C7: variants seen among roughly 807,000 people sequenced by gnomAD.
C7 encodes the protein complement component C7.
A neutral mutation model predicts 104.8 loss-of-function variants in C7; 83 were observed. The observed-to-expected ratio is 0.79, with a 90% CI of 0.66 to 0.95. The LOEUF is 0.95. C7 is among the 40% of genes least tolerant of loss of function. C7 has a pLI of 0.00. For synonymous variants in C7, 415 were observed against 360.6 expected, an observed-to-expected ratio of 1.15 and a Z score of -1.71; for missense variants, 1,070 against 1,011.2, an observed-to-expected ratio of 1.06 and a Z score of -0.79.
At chr5:40,961,320 T>TGTAA (rs1740415127) in intron 12 of C7, among the ~76,000 whole-genome samples, 1 of 152,168 alleles carries the variant, frequency 6.6e-6, no homozygotes, top group African/African-American at 2.4e-5. Flanking sequence ...ACATAGTAAA[T>TGTAA]GCTTAGTAAA....
chr5:40,929,104 T>C (rs1433154605), intron 2 of C7, among the ~76,000 whole-genome samples: 2 of 152,182 alleles, frequency 1.3e-5, no homozygotes, highest in Non-Finnish European at 2.9e-5. Context: ...GTCAGATTGA[T>C]GAGACAGAGC....
At chr5:40,953,089 C>T (rs2329431) in intron 9 of C7, among the ~76,000 whole-genome samples, 13,440 of 151,896 alleles carry the variant, frequency 0.088, 721 homozygotes, top group South Asian at 0.2. Flanking sequence ...AGGGATGGGA[C>T]GTGATTCACT....
chr5:40,914,556 A>G (rs1739280513), intron 1 of C7, among the ~76,000 whole-genome samples: 1 of 152,158 alleles, frequency 6.6e-6, no homozygotes, highest in Non-Finnish European at 1.5e-5. Flanking sequence ...TGTCCAGAAG[A>G]GTTTTCCCTA....
chr5:40,949,318 C>T (rs528204989), intron 8 of C7, among the ~76,000 whole-genome samples: 12 of 148,206 alleles, frequency 8.1e-5, no homozygotes, highest in African/African-American at 3.0e-4. Context: ...TATATTTGCA[C>T]ATTTTAGTAT....
At position 40,981,656 on chromosome 5, in the gene C7, G is replaced by T. The variant is rs927766138; in HGVS notation, c.*83G>T. On this transcript the variant is annotated 3_prime_UTR_variant, in exon 18 of 18. Coordinates refer to ENST00000313164, the MANE Select transcript of C7 (RefSeq NM_000587.4). The stretch of plus-strand genomic sequence containing the variant: ...AAAACATCTGCACAACTGGGCACTG[G>T]ACAGCTTTTCCTTCTTCTCCAGTGT... The T allele has an allele frequency of 5.0e-6, 6 of 1,199,030 alleles. No homozygotes were observed. The highest frequency in any genetic ancestry group is 6.9e-6 in the Non-Finnish European group (6 of 869,974). The allele number at this position is 1,199,030 out of a possible 1,614,324, so 74.3% of individuals were successfully genotyped here. A position where few individuals can be genotyped will look rare whatever the true frequency, so the allele number is the denominator to read the frequency against.
In C7 at chr5:40,982,538, T is replaced by A. The variant is rs1740973417; in HGVS notation, c.*965T>A. 6.6e-6 allele frequency: 1 copy of A among 152,372 alleles called. No individual in the cohort carries two copies. The highest frequency in any genetic ancestry group is 2.1e-4 in the South Asian group (1 of 4,836). 9.4% of individuals were successfully genotyped at this position (152,372 alleles called of 1,614,324 possible). On this transcript the variant is annotated 3_prime_UTR_variant, in exon 18 of 18. Coordinates refer to ENST00000313164, the MANE Select transcript of C7 (RefSeq NM_000587.4). ...CAGGGGTGTCTTGTCTGAGAACAAA[T>A]ACAATTCAGTCTTCTCTTTGGGGTT...
At chr5:40,955,827 C>T (rs758028598) in intron 10 of C7, among the ~76,000 whole-genome samples, 18 of 152,036 alleles carry the variant, frequency 1.2e-4, no homozygotes, top group Non-Finnish European at 2.1e-4. Context: ...GATCTAAGTT[C>T]GATTATGTCT....
chr5:40,955,590 CAT>C, intron 10 of C7, 37 bp downstream of exon 10: 1 of 1,576,160 alleles, frequency 6.3e-7, no homozygotes, highest in East Asian at 2.3e-5. Flanking sequence ...AGGAAGCAGT[CAT>C]GTTTATTTGC....
intron 14 of C7, among the ~76,000 whole-genome samples, chr5:40,968,805 T>A (rs1329906426): frequency 6.6e-6 from 1 of 150,724 alleles, no homozygotes; most frequent in East Asian, 1.9e-4. Context: ...AGAGACGGGG[T>A]TTCACCATGT....
intron 15 of C7, among the ~76,000 whole-genome samples, chr5:40,975,751 A>C (rs1014236585): frequency 2.0e-5 from 3 of 152,212 alleles, no homozygotes; most frequent in African/African-American, 7.2e-5. Flanking sequence ...TTACAGGTTT[A>C]TGAATGCTCA....
Position 40,984,565 on chromosome 5 carries a change from G to A in C7, c.*2992G>A, listed in dbSNP as rs371788968. ...CATTTATGTGCCCGGCTTATTATGT[G>A]TCCACTTATGTGTCCAATTAGTAAT... is the stretch of plus-strand genomic sequence containing the variant. On this transcript the variant is annotated 3_prime_UTR_variant, in exon 18 of 18. Transcript: ENST00000313164. 2.3e-4 allele frequency among the ~76,000 whole-genome samples: 35 copies of A among 152,298 alleles called. No individual in the cohort carries two copies. The highest frequency in any genetic ancestry group is 7.9e-4 in the African/African-American group (33 of 41,562).
chr5:40,936,549 T>C lies in C7; in HGVS notation c.428+64T>C, dbSNP rs1739821993. ...TGTAGTTTTAAATTTTGTTTTATTT[T>C]ATAGTTTGGTAAGTCTACGAACAAG... On this transcript the variant is annotated intron_variant, in intron 5 of 17. Transcript: ENST00000313164. 3 of 1,483,218 alleles carry C rather than the reference T, an allele frequency of 2.0e-6. No individual in the cohort carries two copies. The South Asian group carries it at 3.7e-5, about 19-fold the overall frequency. 91.9% of individuals were successfully genotyped at this position (1,483,218 alleles called of 1,614,324 possible).
intron 15 of C7, among the ~76,000 whole-genome samples, chr5:40,974,072 C>T (rs1051196402): frequency 3.3e-5 from 5 of 149,498 alleles, no homozygotes; most frequent in African/African-American, 1.2e-4. Context: ...GCATACATAA[C>T]ATAACATTTA....
intron 3 of C7, among the ~76,000 whole-genome samples, chr5:40,931,635 A>G (rs920900929): frequency 6.6e-6 from 1 of 152,218 alleles, no homozygotes; most frequent in African/African-American, 2.4e-5. Flanking sequence ...CACAAATACA[A>G]TGTTGGACTT....
chr5:40,950,085 C>A, intron 9 of C7, 71 bp downstream of exon 9: 1 of 855,256 alleles, frequency 1.2e-6, no homozygotes, highest in Non-Finnish European at 1.8e-6. Flanking sequence ...TTCAAGGGTA[C>A]GCGTGAAGTT....
chr5:40,937,894 A>G (rs1706654240), intron 6 of C7, among the ~76,000 whole-genome samples: 3 of 152,156 alleles, frequency 2.0e-5, no homozygotes, highest in African/African-American at 7.2e-5. Flanking sequence ...TGTGTCATTC[A>G]AGCTGACATA....
intron 5 of C7, 190 bp from the exon 6 acceptor site, chr5:40,937,362 G>GA: frequency 2.6e-6 from 1 of 383,592 alleles, no homozygotes; most frequent in Admixed American, 4.5e-5. Context: ...CCAAGCAGGG[G>GA]AAGCTGGATA....
At chr5:40,914,932 C>T (rs568952599) in intron 1 of C7, among the ~76,000 whole-genome samples, 57 of 152,118 alleles carry the variant, frequency 3.7e-4, no homozygotes, top group Non-Finnish European at 6.3e-4. Flanking sequence ...TCCCATGGCC[C>T]GCATATGGAT....
At chr5:40,941,391 A>G (rs1285583960) in intron 6 of C7, among the ~76,000 whole-genome samples, 1 of 152,124 alleles carries the variant, frequency 6.6e-6, no homozygotes, top group Non-Finnish European at 1.5e-5. Context: ...TAACTGAATG[A>G]AGTTCAAACT....
Sources: allele counts gnomAD v4.1 joint callset (sites outside exome capture counted in the v4.1 genomes callset), GRCh38; gene constraint gnomAD v4.1.1; transcripts MANE v1.5; gene names NCBI Gene and HGNC (gene_info 2026-07-23, HGNC 2026-07-21).